Variants in PMFBP1 observed in about 807,000 individuals in gnomAD.
PMFBP1 encodes polyamine-modulated factor 1-binding protein 1.
A neutral mutation model predicts 137.8 loss-of-function variants in PMFBP1; 131 were observed. The ratio of observed to expected loss-of-function variants is 0.95; its 90% CI spans 0.82 to 1.10. The LOEUF is 1.10. PMFBP1 is among the 50% of genes least tolerant of loss of function. The pLI is 0.00. For missense variants in PMFBP1, 1,199 were observed against 1,175.4 expected, an observed-to-expected ratio of 1.02 and a Z score of -0.29; for synonymous variants, 490 against 450.4, an observed-to-expected ratio of 1.09 and a Z score of -1.11.
At chr16:72,120,263 AAAG>A (rs748329383) in intron 19 of PMFBP1, 174 bp from the exon 20 acceptor site, 365 of 1,090,376 alleles carry the variant, frequency 3.3e-4, no homozygotes, top group Non-Finnish European at 4.4e-4. Flanking sequence ...GTGTCCTGTG[AAAG>A]AAGCCCAGGC....
At chr16:72,166,512 G>C (rs1230553170) in intron 2 of PMFBP1, among the ~76,000 whole-genome samples, 1 of 152,142 alleles carries the variant, frequency 6.6e-6, no homozygotes, top group Non-Finnish European at 1.5e-5. Flanking sequence ...TATCTCTTAG[G>C]TTAGATTACC....
chr16:72,197,268 G>C, the PMFBP1 span, among the ~76,000 whole-genome samples: 2 of 152,078 alleles, frequency 1.3e-5, no homozygotes, highest in African/African-American at 4.8e-5. Flanking sequence ...GATAGAGAAA[G>C]CACTGGGGAA....
At chr16:72,197,656 A>C in the PMFBP1 span, among the ~76,000 whole-genome samples, 1 of 152,170 alleles carries the variant, frequency 6.6e-6, no homozygotes, top group African/African-American at 2.4e-5. Flanking sequence ...GGACCCCAGA[A>C]TATTGACCCA....
chr16:72,210,036 C>CT, the PMFBP1 span, among the ~76,000 whole-genome samples: 1 of 152,176 alleles, frequency 6.6e-6, no homozygotes, highest in African/African-American at 2.4e-5. Context: ...CTTTGGGCAC[C>CT]TTTCCTTGCT....
chr16:72,165,997 A>C (rs536967156), intron 2 of PMFBP1, among the ~76,000 whole-genome samples: 1 of 152,296 alleles, frequency 6.6e-6, no homozygotes, highest in South Asian at 2.1e-4. Context: ...GTGAAAAGGA[A>C]GGTGGAAGAA....
chr16:72,150,732 A>C lies in PMFBP1; in HGVS notation c.512T>G (p.Ile171Ser), dbSNP rs117953773. 7.6e-4 allele frequency: 1,234 copies of C among 1,614,150 alleles called. 15 individuals carry two copies. The East Asian group carries it at 0.025, about 32-fold the overall frequency. ...QEQLALAGDKIASLERSLNLY... is the reference protein window; with the variant it reads ...QEQLALAGDKSASLERSLNLY... ...GTTTAAGCTCCTCTCTAGAGAGGCG[A>C]TCTTGTCCCCGGCCAAGGCGAGTTG... Residue 171 changes from isoleucine (I) to serine (S), a missense_variant, in exon 5 of 21, where the codon ATC (isoleucine) becomes AGC (serine). Ile to Ser is a moderately radical substitution (Grantham distance 142). Transcript: ENST00000237353.
the PMFBP1 span, among the ~76,000 whole-genome samples, chr16:72,196,685 T>C: frequency 6.6e-6 from 1 of 152,308 alleles, no homozygotes; most frequent in South Asian, 2.1e-4. Context: ...TACATTCATA[T>C]TAATGGGACT....
At chr16:72,197,610 C>G in the PMFBP1 span, among the ~76,000 whole-genome samples, 1 of 152,294 alleles carries the variant, frequency 6.6e-6, no homozygotes, top group African/African-American at 2.4e-5. Context: ...CCCGGCTGCC[C>G]TCCTCCTCCA....
the PMFBP1 span, among the ~76,000 whole-genome samples, chr16:72,244,788 C>G: frequency 6.6e-6 from 1 of 151,474 alleles, no homozygotes; most frequent in Non-Finnish European, 1.5e-5. Flanking sequence ...TCTTCCAGTG[C>G]AACAAATCCC....
Position 72,125,971 on chromosome 16 carries a change from C to T in PMFBP1, c.2250G>A (p.Glu750=). The T allele has an allele frequency of 2.5e-6, 4 of 1,614,034 alleles. No homozygotes were observed. The highest frequency in any genetic ancestry group is 1.3e-5 in the African/African-American group (1 of 75,050). ...ACQDDLTQAL[E]KLNHVTSETK... is the part of the protein sequence containing the mutation. ...AGACTAGAGGGTGTGGCCTCACCTTCTCGAGGGCTTGTGTCAGGTCATCCT... is the reference window on the plus strand; with the variant it reads ...AGACTAGAGGGTGTGGCCTCACCTTTTCGAGGGCTTGTGTCAGGTCATCCT... The change falls in exon 15 of 21, where the codon GAG becomes GAA. Residue 750 remains glutamate, a synonymous_variant. Transcript: ENST00000237353.
rs561259190 is a variant in PMFBP1 at position 72,139,320 on chromosome 16, C to G, written c.887G>C (p.Ser296Thr). ...SCTATHRYPP[S>T]SSEECEDIKK... ...GATGTCTTCACACTCTTCTGAGGAG[C>G]TAGGAGGGTATCTGTGGGTGGCTGT... Residue 296 changes from serine to threonine, a missense_variant, in exon 7 of 21, where the codon AGC becomes ACC. Coordinates refer to ENST00000237353, the MANE Select transcript of PMFBP1 (RefSeq NM_031293.3). 7.1e-5 allele frequency: 114 copies of G among 1,613,976 alleles called. 2 individuals are homozygous for G. In the South Asian group the frequency reaches 1.2e-3, roughly 16 times the overall value.
At chr16:72,184,755 T>C in the PMFBP1 span, among the ~76,000 whole-genome samples, 1 of 152,230 alleles carries the variant, frequency 6.6e-6, no homozygotes, top group Non-Finnish European at 1.5e-5. Context: ...AAGCACCATC[T>C]TGATTCTTCT....
Position 72,154,166 on chromosome 16 carries a change from G to A in PMFBP1, c.414+45C>T, listed in dbSNP as rs1156875529. 3 of 1,598,782 alleles carry A rather than the reference G, an allele frequency of 1.9e-6. No individual in the cohort carries two copies. The East Asian group carries it at 6.7e-5, about 36-fold the overall frequency. On this transcript the variant is annotated intron_variant, in intron 4 of 20. Coordinates refer to ENST00000237353, the MANE Select transcript of PMFBP1 (RefSeq NM_031293.3). ...TAGTGGGCTTGGTCTGATTTCTGCA[G>A]GTACCTAAGAATGTGGGTTATTTCC...
intron 3 of PMFBP1, among the ~76,000 whole-genome samples, chr16:72,157,324 C>T (rs368828416): frequency 4.5e-4 from 68 of 150,338 alleles, no homozygotes; most frequent in South Asian, 1.9e-3. Context: ...GAGAGTGAAA[C>T]GGGAGGAAGA....
upstream of PMFBP1, among the ~76,000 whole-genome samples, chr16:72,181,176 C>T (rs1347682688): frequency 1.3e-5 from 2 of 151,368 alleles, no homozygotes; most frequent in East Asian, 1.9e-4. Context: ...GAGGCAGAGG[C>T]TGCAGTGAGC....
the PMFBP1 span, among the ~76,000 whole-genome samples, chr16:72,221,485 T>A: frequency 2.8e-4 from 42 of 152,124 alleles, no homozygotes; most frequent in Non-Finnish European, 1.6e-4. Context: ...GGAATGTCTG[T>A]CAAGCGGAAC....
chr16:72,189,473 G>A, the PMFBP1 span, among the ~76,000 whole-genome samples: 4 of 152,238 alleles, frequency 2.6e-5, no homozygotes, highest in Non-Finnish European at 4.4e-5. Context: ...GCCAATCTTG[G>A]AGGAATGGGC....
At chr16:72,244,007 T>C in the PMFBP1 span, among the ~76,000 whole-genome samples, 1 of 152,210 alleles carries the variant, frequency 6.6e-6, no homozygotes, top group African/African-American at 2.4e-5. Context: ...TATAGAATAG[T>C]GGTTCCTTGG....
intron 3 of PMFBP1, among the ~76,000 whole-genome samples, chr16:72,156,895 C>G (rs1387072556): frequency 6.6e-6 from 1 of 151,786 alleles, no homozygotes; most frequent in Non-Finnish European, 1.5e-5. Context: ...GTATATAAAA[C>G]AGACAAAATC....
Sources: allele counts gnomAD v4.1 joint callset (sites outside exome capture counted in the v4.1 genomes callset), GRCh38; gene constraint gnomAD v4.1.1; transcripts MANE v1.5; gene names NCBI Gene and HGNC (gene_info 2026-07-23, HGNC 2026-07-21).